The following STK10 variants were observed in gnomAD, a reference collection of about 807,000 sequenced individuals.
STK10 encodes the protein serine/threonine-protein kinase 10.
A neutral mutation model predicts 113.8 loss-of-function variants in STK10; 78 were observed. The observed-to-expected ratio is 0.69, with a 90% CI of 0.57 to 0.83. The LOEUF (loss-of-function observed/expected upper bound fraction) is 0.83, where lower values mean the gene tolerates loss of function less well. STK10 is among the 40% of genes least tolerant of loss of function. STK10 has a pLI of 0.00. For synonymous variants in STK10, 465 were observed against 494.7 expected (o/e 0.94, Z 0.80); for missense variants, 1,109 against 1,280.1 (o/e 0.87, Z 2.04).
intron 12 of STK10, among the ~76,000 whole-genome samples, chr5:172,075,838 G>C (rs60260106): frequency 0.13 from 19,569 of 152,164 alleles, 1,339 homozygotes; most frequent in Non-Finnish European, 0.14. Flanking sequence ...CCTGACAATT[G>C]CAAGTGCTGG....
intron 3 of STK10, among the ~76,000 whole-genome samples, chr5:172,125,766 CT>C (rs1561817487): frequency 6.6e-6 from 1 of 152,098 alleles, no homozygotes; most frequent in Non-Finnish European, 1.5e-5. Flanking sequence ...TTACTACTGC[CT>C]ATTTGATTGT....
In STK10 at chr5:172,055,584, C is replaced by T; in HGVS notation, c.2526+4G>A. On this transcript the variant is annotated splice_donor_region_variant and intron_variant, in intron 16 of 18. Transcript: ENST00000176763. ...CTTGCAGACCCCGCAGGCCCGGCCC[C>T]CACCTGCTTGATCTTCTCACGCTGC... 4 of 1,473,422 alleles carry T rather than the reference C, an allele frequency of 2.7e-6. No homozygotes were observed. Among genetic ancestry groups the T allele is most frequent in the Non-Finnish European group, 3.6e-6 (4 of 1,102,322 alleles). The allele number at this position is 1,473,422 out of a possible 1,614,324, so 91.3% of individuals were successfully genotyped here.
In STK10 at chr5:172,135,489, G is replaced by A. The variant is rs141126867; in HGVS notation, c.322-8068C>T. On this transcript the variant is annotated intron_variant, in intron 2 of 18. Coordinates refer to ENST00000176763, the MANE Select transcript of STK10 (RefSeq NM_005990.4). ...ATCACGTCACTGCACTCCAGCCTGG[G>A]AGACAGAGCGAGACTCCATCTCAAA... is the stretch of plus-strand genomic sequence containing the variant. Among the ~76,000 whole-genome samples the A allele has an allele frequency of 7.2e-4, 109 of 152,270 alleles. 1 individual carries two copies. In the East Asian group the frequency reaches 0.016, roughly 23 times the overall value.
chr5:172,096,542 T>C lies in STK10; in HGVS notation c.889A>G (p.Ile297Val), dbSNP rs1341402590. 4 of 1,613,456 alleles carry C rather than the reference T, an allele frequency of 2.5e-6. No individual in the cohort carries two copies. The highest frequency in any genetic ancestry group is 3.4e-6 in the Non-Finnish European group (4 of 1,180,050). Residue 297 changes from isoleucine to valine, a missense_variant, in exon 8 of 19, where the codon ATC (isoleucine) becomes GTC (valine). Around this residue, in one of 5 missense-constraint regions of STK10, gnomAD observed 885 missense variants for 991.1 expected, o/e 0.89. Coordinates refer to ENST00000176763, the MANE Select transcript of STK10 (RefSeq NM_005990.4). ...TCCCGCAGAGCCTTGTTACTGGTGA[T>C]GCTGCTGACGAAGGGATGCTGAGGG... ...QLLEHPFVSS[I>V]TSNKALRELV...
At chr5:172,181,154 C>G (rs1033579220) in intron 1 of STK10, among the ~76,000 whole-genome samples, 3 of 152,232 alleles carry the variant, frequency 2.0e-5, no homozygotes, top group Admixed American at 6.5e-5. Context: ...GCTCCCTACG[C>G]TGCTGCCTTC....
intron 18 of STK10, among the ~76,000 whole-genome samples, chr5:172,048,414 TACACACACACACACAC>T (rs370301917): frequency 7.8e-6 from 1 of 128,394 alleles, no homozygotes; most frequent in African/African-American, 3.1e-5. Context: ...TCCCTCTCCC[TACACACACACACACAC>T]ACACACACAC....
chr5:172,131,516 C>G (rs926329896), intron 2 of STK10, among the ~76,000 whole-genome samples: 3 of 152,184 alleles, frequency 2.0e-5, no homozygotes, highest in Non-Finnish European at 4.4e-5. Flanking sequence ...TTCTTTAGTT[C>G]AAGAGCTCCA....
At chr5:172,153,786 T>A (rs1362939284) in intron 2 of STK10, among the ~76,000 whole-genome samples, 1 of 152,250 alleles carries the variant, frequency 6.6e-6, no homozygotes, top group Non-Finnish European at 1.5e-5. Flanking sequence ...TCAACCTGTA[T>A]CTCTGGACTT....
rs760239367 is a variant in STK10 at position 172,117,562 on chromosome 5, A to C, written c.439T>G (p.Phe147Val). 8.1e-6 allele frequency: 13 copies of C among 1,613,826 alleles called. No homozygotes were observed. The highest frequency in any genetic ancestry group is 1.1e-5 in the Non-Finnish European group (13 of 1,180,008). ...VCRQMLEALNFLHSKRIIHRD... is the reference protein window; with the variant it reads ...VCRQMLEALNVLHSKRIIHRD... The stretch of plus-strand genomic sequence containing the variant: ...TGGATGATCCTCTTGCTGTGCAGGA[A>C]GTTGAGGGCTTCTAGCATCTGGCGG... The change falls in exon 4 of 19, where the codon TTC (phenylalanine) becomes GTC (valine). Residue 147 changes from phenylalanine to valine, a missense_variant. Phe to Val is a conservative substitution (Grantham distance 50). This residue lies in a region of STK10 where 120 missense variants were observed against 134.8 expected (regional missense o/e 0.89). Transcript: ENST00000176763.
intron 2 of STK10, among the ~76,000 whole-genome samples, chr5:172,147,149 T>A (rs1383182530): frequency 6.6e-6 from 1 of 152,156 alleles, no homozygotes; most frequent in African/African-American, 2.4e-5. Context: ...AAGATACAGA[T>A]GAAGGGATGT....
chr5:172,072,888 C>T (rs753663784), intron 12 of STK10, among the ~76,000 whole-genome samples: 8 of 152,118 alleles, frequency 5.3e-5, no homozygotes, highest in South Asian at 2.1e-4. Flanking sequence ...AAGAAAGATA[C>T]GAGTACTAAT....
chr5:172,132,123 A>G (rs1769769153), intron 2 of STK10, among the ~76,000 whole-genome samples: 1 of 152,244 alleles, frequency 6.6e-6, no homozygotes, highest in Non-Finnish European at 1.5e-5. Context: ...CTGTTATAGC[A>G]GCATAAAATG....
chr5:172,064,947 C>T (rs1372624367), intron 12 of STK10, 135 bp from the exon 13 acceptor site: 41 of 871,910 alleles, frequency 4.7e-5, no homozygotes, highest in Middle Eastern at 4.5e-4. Flanking sequence ...GCACCCTACG[C>T]GGCTCCCCAC....
chr5:172,102,825 C>CAA (rs1160517422), intron 7 of STK10, among the ~76,000 whole-genome samples: 4 of 147,344 alleles, frequency 2.7e-5, no homozygotes, highest in Non-Finnish European at 5.9e-5. Context: ...ATGTTACATA[C>CAA]AAAATCTCAT....
chr5:172,102,486 T>C (rs1769011158), intron 7 of STK10, among the ~76,000 whole-genome samples: 1 of 152,160 alleles, frequency 6.6e-6, no homozygotes, highest in African/African-American at 2.4e-5. Context: ...CTGGGAGTGC[T>C]GCACGCTGGG....
intron 10 of STK10, among the ~76,000 whole-genome samples, chr5:172,083,378 C>T (rs1193590889): frequency 1.3e-5 from 2 of 152,004 alleles, no homozygotes; most frequent in Non-Finnish European, 2.9e-5. Context: ...ATTTTAGAAT[C>T]ACCTATATAG....
At chr5:172,113,938 T>C (rs1459800502) in intron 4 of STK10, among the ~76,000 whole-genome samples, 1 of 151,654 alleles carries the variant, frequency 6.6e-6, no homozygotes, top group Non-Finnish European at 1.5e-5. Flanking sequence ...GAAAAACTAA[T>C]ATTTACTGAG....
chr5:172,088,946 C>A (rs1768629077), intron 10 of STK10, among the ~76,000 whole-genome samples: 1 of 152,226 alleles, frequency 6.6e-6, no homozygotes, highest in Non-Finnish European at 1.5e-5. Context: ...ACACCTTCCT[C>A]CCTGTTCCAG....
In STK10 at chr5:172,064,705, A is replaced by G. The variant is rs773687428; in HGVS notation, c.2082+15T>C. Reference sequence around the variant, plus strand: ...CACCAGCCCCTGCGCTCCCCAGCTGAGGCCAGGGACTCACAAGAAGCTGCT... The same window carrying G: ...CACCAGCCCCTGCGCTCCCCAGCTGGGGCCAGGGACTCACAAGAAGCTGCT... On this transcript the variant is annotated intron_variant, in intron 13 of 18. Transcript: ENST00000176763. The G allele has an allele frequency of 1.1e-5, 18 of 1,613,232 alleles. No individual in the cohort carries two copies. The highest frequency in any genetic ancestry group is 3.4e-6 in the Non-Finnish European group (4 of 1,179,446).
Sources: gnomAD v4.1 joint callset for allele counts (sites outside exome capture counted in the v4.1 genomes callset) on GRCh38, gnomAD v4.1.1 for gene constraint, gnomAD v4.1.1 regional missense constraint, MANE v1.5 for transcripts, NCBI Gene and HGNC (gene_info 2026-07-23, HGNC 2026-07-21) for gene names.